ARMC2: variants seen among roughly 807,000 people sequenced by gnomAD.
ARMC2 encodes armadillo repeat-containing protein 2.
In ARMC2, 67 loss-of-function variants were observed where a neutral mutation model predicts 90.3. That is an observed-to-expected ratio of 0.74 (90% CI 0.61 to 0.91). The LOEUF (loss-of-function observed/expected upper bound fraction) is 0.91. Among genes scored for constraint, ARMC2 ranks in the 40% least tolerant of loss-of-function variants. The pLI is 0.00. For missense variants in ARMC2, 920 were observed against 1,030.9 expected (o/e 0.89, Z 1.47); for synonymous variants, 393 against 393.0 (o/e 1.00, Z 0.00).
chr6:109,038,937 A>G, the ARMC2 span, among the ~76,000 whole-genome samples: 5 of 151,138 alleles, frequency 3.3e-5, no homozygotes, highest in African/African-American at 9.7e-5. Context: ...AGAAGAAAAG[A>G]GAAGAAGAAA....
the ARMC2 span, among the ~76,000 whole-genome samples, chr6:109,028,778 C>G: frequency 6.6e-6 from 1 of 152,118 alleles, no homozygotes; most frequent in East Asian, 1.9e-4. Flanking sequence ...GACTGGGTCA[C>G]GAAAGCAGTG....
intron 5 of ARMC2, among the ~76,000 whole-genome samples, chr6:108,890,630 A>G (rs960227681): frequency 1.6e-4 from 25 of 152,204 alleles, no homozygotes; most frequent in Non-Finnish European, 2.6e-4. Context: ...AATGCTGATA[A>G]AAGTTAGACC....
chr6:108,920,540 C>A (rs902249503), intron 10 of ARMC2, among the ~76,000 whole-genome samples: 4 of 152,160 alleles, frequency 2.6e-5, no homozygotes, highest in African/African-American at 9.7e-5. Context: ...TGTCTATAGG[C>A]AACTCATGTT....
At chr6:108,899,610 T>G in intron 6 of ARMC2, 84 bp from the exon 7 acceptor site, 8 of 932,880 alleles carry the variant, frequency 8.6e-6, no homozygotes, top group Non-Finnish European at 1.4e-5. Context: ...TTAATTGTAG[T>G]GATGAATAGT....
chr6:108,889,618 T>A (rs562785964), intron 5 of ARMC2, among the ~76,000 whole-genome samples: 1 of 151,920 alleles, frequency 6.6e-6, no homozygotes, highest in South Asian at 2.1e-4. Flanking sequence ...TTTAAAATTT[T>A]TTTTAGAGGG....
the ARMC2 span, among the ~76,000 whole-genome samples, chr6:109,034,352 T>A: frequency 1.3e-5 from 2 of 152,352 alleles, no homozygotes; most frequent in Middle Eastern, 3.4e-3. Context: ...TATCTGTAAA[T>A]AATTTAGTGT....
chr6:109,036,122 G>A, the ARMC2 span, among the ~76,000 whole-genome samples: 1 of 152,072 alleles, frequency 6.6e-6, no homozygotes, highest in Non-Finnish European at 1.5e-5. Context: ...TCCTACCAAG[G>A]TACACTTAGG....
the ARMC2 span, among the ~76,000 whole-genome samples, chr6:109,017,388 C>T: frequency 1.3e-5 from 2 of 152,150 alleles, no homozygotes; most frequent in Non-Finnish European, 2.9e-5. Flanking sequence ...CGGGTTCACA[C>T]CATTCTCCTG....
At chr6:108,866,016 TAAAAAAAAA>T (rs910550188) in intron 3 of ARMC2, among the ~76,000 whole-genome samples, 2 of 118,640 alleles carry the variant, frequency 1.7e-5, no homozygotes, top group African/African-American at 6.3e-5. Flanking sequence ...GACCCTGTCT[TAAAAAAAAA>T]AAAAAAAAAA....
chr6:108,965,718 C>G (rs927333677), intron 17 of ARMC2, among the ~76,000 whole-genome samples: 2 of 152,054 alleles, frequency 1.3e-5, no homozygotes, highest in Non-Finnish European at 2.9e-5. Flanking sequence ...GATCACTGCT[C>G]ACTGCAGCTC....
intron 12 of ARMC2, among the ~76,000 whole-genome samples, chr6:108,948,701 T>A (rs1366900534): frequency 6.6e-6 from 1 of 151,722 alleles, no homozygotes; most frequent in Non-Finnish European, 1.5e-5. Flanking sequence ...CACTGGAGGC[T>A]TACTAATCTC....
At chr6:108,955,463 T>C (rs1777510142) in intron 13 of ARMC2, among the ~76,000 whole-genome samples, 1 of 152,142 alleles carries the variant, frequency 6.6e-6, no homozygotes, top group Non-Finnish European at 1.5e-5. Flanking sequence ...TTTTCATCAT[T>C]TCACAGATGA....
At chr6:108,927,945 C>T in intron 10 of ARMC2, 143 bp from the exon 11 acceptor site, 1 of 788,814 alleles carries the variant, frequency 1.3e-6, no homozygotes, top group Non-Finnish European at 1.9e-6. Context: ...CCTAGGCTCA[C>T]ATTCCCTGGT....
chr6:108,961,513 C>T (rs146988889), intron 13 of ARMC2, 59 bp from the exon 14 acceptor site: 82 of 1,510,450 alleles, frequency 5.4e-5, no homozygotes, highest in Middle Eastern at 4.0e-4. Flanking sequence ...GTAGTTGCAA[C>T]GTAGTTGGTT....
chr6:108,961,821 G>A, intron 14 of ARMC2, 127 bp downstream of exon 14: 1 of 1,238,866 alleles, frequency 8.1e-7, no homozygotes, highest in Non-Finnish European at 1.1e-6. Context: ...AGAGCCTGAT[G>A]ATTCTAAGAA....
At position 108,966,427 on chromosome 6, in the gene ARMC2, G is replaced by A. The variant is rs149413974; in HGVS notation, c.2446+1287G>A. On this transcript the variant is annotated intron_variant, in intron 17 of 17. Coordinates refer to ENST00000392644, the MANE Select transcript of ARMC2 (RefSeq NM_032131.6). ...GTACAAAGAGCCTAACACAGTGCCT[G>A]CTGCATAGCAAGTCCTCAGAAGGTG... 5.1e-4 allele frequency among the ~76,000 whole-genome samples: 78 copies of A among 152,286 alleles called. 1 individual carries two copies. The highest frequency in any genetic ancestry group is 1.8e-3 in the African/African-American group (76 of 41,544).
the ARMC2 span, among the ~76,000 whole-genome samples, chr6:108,981,023 A>G: frequency 1.3e-5 from 2 of 152,090 alleles, no homozygotes; most frequent in African/African-American, 2.4e-5. Flanking sequence ...TGTAGTCCAT[A>G]ATGTAAGTAT....
intron 12 of ARMC2, among the ~76,000 whole-genome samples, chr6:108,938,435 T>C (rs986279548): frequency 2.1e-4 from 32 of 149,804 alleles, no homozygotes; most frequent in African/African-American, 7.3e-4. Context: ...TTTTTTTTGG[T>C]AGAGACAGGG....
the ARMC2 span, among the ~76,000 whole-genome samples, chr6:108,993,462 G>A: frequency 2.6e-5 from 4 of 151,872 alleles, no homozygotes; most frequent in Admixed American, 1.3e-4. Context: ...TACATCTTTA[G>A]GCATGGAAAC....
Sources: gnomAD v4.1 joint callset for allele counts (sites outside exome capture counted in the v4.1 genomes callset) on GRCh38, gnomAD v4.1.1 for gene constraint, MANE v1.5 for transcripts, NCBI Gene and HGNC (gene_info 2026-07-23, HGNC 2026-07-21) for gene names.